The following KIF19 variants were observed in gnomAD, a reference collection of about 807,000 sequenced individuals.
KIF19 encodes kinesin family member 19.
KIF19 carries 98 observed loss-of-function variants against 106.6 expected under a neutral mutation model. The ratio of observed to expected loss-of-function variants is 0.92; its 90% CI spans 0.78 to 1.09. The LOEUF is 1.09. Ranked by LOEUF, KIF19 falls within the 50% of genes least tolerant of loss-of-function variation. The pLI, the probability that KIF19 is intolerant of heterozygous loss-of-function variation, is 0.00. For synonymous variants in KIF19, 516 were observed against 584.2 expected (o/e 0.88, Z 1.68); for missense variants, 1,373 against 1,414.3 (o/e 0.97, Z 0.47).
In KIF19 at chr17:74,343,287, C is replaced by T; in HGVS notation, c.456+127C>T. 3.2e-6 allele frequency: 3 copies of T among 946,976 alleles called. No individual in the cohort carries two copies. The South Asian group carries it at 5.0e-5, about 16-fold the overall frequency. The allele number at this position is 946,976 out of a possible 1,614,324, so 58.7% of individuals were successfully genotyped here. Reference sequence around the variant, plus strand: ...CCTACTGTGAGCTCCACTTTACAAACATCGCAGGCTCATCAGAGAGGTTAG... The same window carrying T: ...CCTACTGTGAGCTCCACTTTACAAATATCGCAGGCTCATCAGAGAGGTTAG... On this transcript the variant is annotated intron_variant, in intron 5 of 19. Coordinates refer to ENST00000389916, the MANE Select transcript of KIF19 (RefSeq NM_153209.4).
chr17:74,340,555 G>GCGCGCGCACACACACACACACACACA, intron 2 of KIF19, among the ~76,000 whole-genome samples: 5 of 148,304 alleles, frequency 3.4e-5, no homozygotes, highest in African/African-American at 7.5e-5. Context: ...ATGCGCGCGC[G>GCGCGCGCACACACACACACACACACA]TACACACACA....
chr17:74,339,220 G>A (rs2054293145), intron 2 of KIF19, among the ~76,000 whole-genome samples: 4 of 151,922 alleles, frequency 2.6e-5, no homozygotes, highest in Admixed American at 2.6e-4. Flanking sequence ...GAGTAGGGGT[G>A]GAAGTGTGTG....
chr17:74,338,396 C>T (rs2054274830), intron 2 of KIF19, among the ~76,000 whole-genome samples: 1 of 152,154 alleles, frequency 6.6e-6, no homozygotes, highest in African/African-American at 2.4e-5. Flanking sequence ...CACCTAGCTT[C>T]TGGCCAGCTG....
rs1297186542 is a variant in KIF19, at chr17:74,351,959, C to T, written c.1680C>T (p.Arg560=). The T allele has an allele frequency of 1.3e-6, 2 of 1,507,178 alleles. No individual in the cohort carries two copies. The highest frequency in any genetic ancestry group is 2.1e-5 in the Admixed American group (1 of 47,936). The allele number at this position is 1,507,178 out of a possible 1,614,324, so 93.4% of individuals were successfully genotyped here. Residue 560 remains arginine, a synonymous_variant, in exon 13 of 20, where the codon CGC becomes CGT. Coordinates refer to ENST00000389916, the MANE Select transcript of KIF19 (RefSeq NM_153209.4). Reference sequence around the variant, plus strand: ...GGCGCATCGGCTCCGAGGAGCAGCGCGAGGTGCTCAGCCTGCTGTGCCGCG... The same window carrying T: ...GGCGCATCGGCTCCGAGGAGCAGCGTGAGGTGCTCAGCCTGCTGTGCCGCG... ...LPRRIGSEEQ[R]EVLSLLCRVH... is the part of the protein sequence containing the mutation.
At chr17:74,333,413 A>T (rs1598371996) in intron 2 of KIF19, among the ~76,000 whole-genome samples, 1 of 134,622 alleles carries the variant, frequency 7.4e-6, no homozygotes. Flanking sequence ...CCCAGGCTGG[A>T]GTGCCGTGGC....
In KIF19 at chr17:74,340,556, T is replaced by TACACACACACACAC. The variant is rs61173377; in HGVS notation, c.121-1315_121-1302dup. On this transcript the variant is annotated intron_variant, in intron 2 of 19. Coordinates refer to ENST00000389916, the MANE Select transcript of KIF19 (RefSeq NM_153209.4). ...ACGTGCCAGCAGGTATGCGCGCGCG[T>TACACACACACACAC]ACACACACACACACACACTGCTGCC... 1.5e-4 allele frequency among the ~76,000 whole-genome samples: 23 copies of TACACACACACACAC among 151,904 alleles called. No homozygotes were observed. The East Asian group carries it at 2.7e-3, about 18-fold the overall frequency.
intron 17 of KIF19, 96 bp from the exon 18 acceptor site, chr17:74,354,066 A>G (rs1712985927): frequency 7.3e-7 from 1 of 1,368,008 alleles, no homozygotes; most frequent in Non-Finnish European, 9.9e-7. Context: ...ATTGAAACCC[A>G]GGAGGTCTGG....
At chr17:74,348,984 G>A (rs377338243) in intron 9 of KIF19, 200 bp from the exon 10 acceptor site, 35 of 587,728 alleles carry the variant, frequency 6.0e-5, no homozygotes, top group Non-Finnish European at 9.6e-5. Context: ...GACGTTCCCC[G>A]CAGGCATTAG....
chr17:74,347,775 A>G lies in KIF19; in HGVS notation c.925-2A>G. 6.3e-7 allele frequency: 1 copy of G among 1,588,878 alleles called. No individual in the cohort carries two copies. Among genetic ancestry groups the G allele is most frequent in the East Asian group, 2.3e-5 (1 of 43,384 alleles). Reference sequence around the variant, plus strand: ...CACTGACCACAGCCACCTCCCATCCAGGACTCTCTGGGAGGAAACAGCCGC... The same window carrying G: ...CACTGACCACAGCCACCTCCCATCCGGGACTCTCTGGGAGGAAACAGCCGC... On this transcript the variant is annotated splice_acceptor_variant, in intron 8 of 19. Transcript: ENST00000389916. LOFTEE classifies it high-confidence loss of function.
Position 74,346,446 on chromosome 17 carries a change from C to A in KIF19, c.846C>A (p.Asn282Lys), listed in dbSNP as rs1403479819. The A allele has an allele frequency of 6.4e-7, 1 of 1,566,546 alleles. No homozygotes were observed. Among genetic ancestry groups the A allele is most frequent in the South Asian group, 1.2e-5 (1 of 84,904 alleles). ...ACCGCTCACTGCTGGCACTGGGCAACTGCATCAACGCCCTGAGCGACAAGG... is the reference window on the plus strand; with the variant it reads ...ACCGCTCACTGCTGGCACTGGGCAAATGCATCAACGCCCTGAGCGACAAGG... The part of the protein sequence containing the change: ...HINRSLLALG[N>K]CINALSDKGS... The change falls in exon 8 of 20, where the codon AAC becomes AAA. Residue 282 changes from asparagine to lysine, a missense_variant. Asn to Lys is a moderately conservative substitution (Grantham distance 94, BLOSUM62 0). Transcript: ENST00000389916. This position sits in a 1 kb window ranked among gnomAD's most constrained non-coding sequence, Gnocchi z 4.6.
Position 74,341,961 on chromosome 17 carries a change from T to C in KIF19, c.206T>C (p.Val69Ala). 1.2e-6 allele frequency: 2 copies of C among 1,613,410 alleles called. No homozygotes were observed. Among genetic ancestry groups the C allele is most frequent in the Non-Finnish European group, 1.7e-6 (2 of 1,179,800 alleles). Residue 69 changes from valine to alanine, a missense_variant, in exon 3 of 20, where the codon GTG becomes GCG. Transcript: ENST00000389916. ...CGGGAGAAGTCCTACCTGTTCGACGTGGCCTTTGACTTCACCGCCACCCAG... is the reference window on the plus strand; with the variant it reads ...CGGGAGAAGTCCTACCTGTTCGACGCGGCCTTTGACTTCACCGCCACCCAG... ...RSREKSYLFD[V>A]AFDFTATQEM...
In KIF19 at chr17:74,352,830, T is replaced by G. The variant is rs1278494316; in HGVS notation, c.1990T>G (p.Leu664Val). Residue 664 changes from leucine to valine, a missense_variant, in exon 15 of 20, where the codon TTG becomes GTG. By Grantham distance (32) the Leu-to-Val change is conservative. Transcript: ENST00000389916. ...GCTCCCTCCTCCCCAGGACAGCTCCTTGCCCAAAATTACCCCAGCAGGAAC... is the reference window on the plus strand; with the variant it reads ...GCTCCCTCCTCCCCAGGACAGCTCCGTGCCCAAAATTACCCCAGCAGGAAC... ...VASRALQDSS[L>V]PKITPAGTSL... The G allele has an allele frequency of 1.9e-6, 3 of 1,613,862 alleles. No homozygotes were observed. In the East Asian group the frequency reaches 6.7e-5, roughly 36 times the overall value.
chr17:74,352,020 T>C lies in KIF19; in HGVS notation c.1741T>C (p.Ser581Pro), dbSNP rs773208361. 6.4e-7 allele frequency: 1 copy of C among 1,556,618 alleles called. No individual in the cohort carries two copies. The highest frequency in any genetic ancestry group is 1.2e-5 in the South Asian group (1 of 85,592). ...ELEVENTEMQ[S>P]HALLRDGALR... The stretch of plus-strand genomic sequence containing the variant: ...CGAGGTGGAGAACACCGAGATGCAG[T>C]CGCACGCGCTGCTCCGCGACGGTGC... Residue 581 changes from serine (S) to proline (P), a missense_variant, in exon 13 of 20, where the codon TCG becomes CCG. Physicochemically the swap from Ser to Pro is moderately conservative, Grantham distance 74. Around this residue, in one of 3 missense-constraint regions of KIF19, gnomAD observed 1,020 missense variants for 1,008.2 expected, o/e 1.01. Transcript: ENST00000389916.
chr17:74,326,233 C>T lies in KIF19; in HGVS notation c.-117C>T. 1 of 934,344 alleles carries T rather than the reference C, an allele frequency of 1.1e-6. No individual in the cohort carries two copies. Among genetic ancestry groups the T allele is most frequent in the Non-Finnish European group, 1.5e-6 (1 of 647,360 alleles). The allele number at this position is 934,344 out of a possible 1,614,324, so 57.9% of individuals were successfully genotyped here. A position where few individuals can be genotyped will look rare whatever the true frequency, so the allele number is the denominator to read the frequency against. Reference sequence around the variant, plus strand: ...TGGCGCGTTGTTGGTTTCGGGTTGTCAGGCAGCGCGCGAGGCGGCGGGCAG... The same window carrying T: ...TGGCGCGTTGTTGGTTTCGGGTTGTTAGGCAGCGCGCGAGGCGGCGGGCAG... On this transcript the variant is annotated 5_prime_UTR_variant, in exon 1 of 20. Transcript: ENST00000389916.
chr17:74,351,181 G>T (rs1381923697), intron 12 of KIF19: 2 of 474,254 alleles, frequency 4.2e-6, no homozygotes, highest in Non-Finnish European at 7.7e-6. Flanking sequence ...GGTAACTAAT[G>T]TTATAATTAG....
In KIF19 at chr17:74,350,771, G is replaced by A. The variant is rs774261975; in HGVS notation, c.1453G>A (p.Ala485Thr). The change falls in exon 12 of 20, where the codon GCT (alanine) becomes ACT (threonine). Residue 485 changes from alanine to threonine, a missense_variant. Around this residue, in one of 3 missense-constraint regions of KIF19, gnomAD observed 1,020 missense variants for 1,008.2 expected, o/e 1.01. Transcript: ENST00000389916. ...GGAGGAGCAGCGAAAGGAGTGCTAC[G>A]CTAAGGACGACAGCGAGAAGGACTC... ...WREEQRKECY[A>T]KDDSEKDSDT... The A allele has an allele frequency of 1.9e-5, 30 of 1,613,904 alleles. No individual in the cohort carries two copies. The Admixed American group carries it at 3.8e-4, about 21-fold the overall frequency.
chr17:74,353,115 CA>C, intron 15 of KIF19, 80 bp from the exon 16 acceptor site: 1 of 1,411,788 alleles, frequency 7.1e-7, no homozygotes, highest in African/African-American at 1.4e-5. Context: ...TTCACACCAA[CA>C]GCTTCTCCCC....
chr17:74,352,052 C>A lies in KIF19; in HGVS notation c.1773C>A (p.Arg591=). ...CGCTGCTCCGCGACGGTGCGCTCCG[C>A]CACCGCCACGAGGCCGTGCGCCGCC... The part of the protein sequence containing the change: ...SHALLRDGAL[R]HRHEAVRRLE... Residue 591 remains arginine, a synonymous_variant, in exon 13 of 20, where the codon CGC becomes CGA. Transcript: ENST00000389916. The A allele has an allele frequency of 6.3e-7, 1 of 1,584,908 alleles. No individual in the cohort carries two copies. The highest frequency in any genetic ancestry group is 8.5e-7 in the Non-Finnish European group (1 of 1,171,618).
intron 1 of KIF19, 56 bp downstream of exon 1, chr17:74,326,444 C>A: frequency 6.4e-7 from 1 of 1,555,336 alleles, no homozygotes; most frequent in Non-Finnish European, 8.9e-7. Flanking sequence ...CTTCAGTCGG[C>A]CTCCAGCGAC....
Sources: allele counts gnomAD v4.1 joint callset (sites outside exome capture counted in the v4.1 genomes callset), GRCh38; gene constraint gnomAD v4.1.1; regional missense constraint gnomAD v4.1.1; non-coding constraint Gnocchi (gnomAD v3.1); transcripts MANE v1.5; gene names NCBI Gene and HGNC (gene_info 2026-07-23, HGNC 2026-07-21).